The following SLC25A44 variants were observed in gnomAD, a reference collection of about 807,000 sequenced individuals.
SLC25A44 encodes solute carrier family 25 member 44.
A neutral mutation model predicts 29.9 loss-of-function variants in SLC25A44; 17 were observed. The ratio of observed to expected loss-of-function variants is 0.57; its 90% confidence interval spans 0.39 to 0.85. The LOEUF is 0.85. Among genes scored for constraint, SLC25A44 ranks in the 40% least tolerant of loss-of-function variants. SLC25A44 has a pLI of 0.00. For missense variants in SLC25A44, 302 were observed against 398.4 expected (o/e 0.76, Z 2.06); for synonymous variants, 140 against 151.8 (o/e 0.92, Z 0.57).
At chr1:156,203,074 A>T (rs1031958523) in intron 2 of SLC25A44, among the ~76,000 whole-genome samples, 1 of 152,100 alleles carries the variant, frequency 6.6e-6, no homozygotes, top group Admixed American at 6.5e-5. Flanking sequence ...TGGTCTATAC[A>T]TCTCTATTGC....
intron 2 of SLC25A44, among the ~76,000 whole-genome samples, chr1:156,204,753 T>C (rs1247084312): frequency 6.6e-6 from 1 of 151,964 alleles, no homozygotes; most frequent in African/African-American, 2.4e-5. Context: ...CTTCGAAAAG[T>C]GTGAGCCACC....
At position 156,198,210 on chromosome 1, in the gene SLC25A44, C is replaced by A. The variant is rs1163385812; in HGVS notation, c.-13-1625C>A. The A allele has an allele frequency of 1.3e-5, 2 of 152,198 alleles. No individual in the cohort carries two copies. The highest frequency in any genetic ancestry group is 2.4e-5 in the African/African-American group (1 of 41,432). 9.4% of individuals were successfully genotyped at this position (152,198 alleles called of 1,614,324 possible). ...GAATTTATCTTCCCAGTCTCCCTTT[C>A]TGGCTGAAAATTTCTAGTATCTTAC... On this transcript the variant is annotated intron_variant, in intron 1 of 3. Transcript: ENST00000359511. The surrounding 1 kb of genome is among the most constrained non-coding windows in gnomAD (Gnocchi z 4.1).
chr1:156,200,267 A>G lies in SLC25A44; in HGVS notation c.420A>G (p.Gln140=). 1 of 1,614,190 alleles carries G rather than the reference A, an allele frequency of 6.2e-7. No homozygotes were observed. The part of the protein sequence containing the change: ...IDVVSQHLMM[Q]RKGEKMGRFQ... ...TAGTCTCCCAGCACCTGATGATGCAACGCAAGGGTGAGAAAATGGGCCGCT... is the reference window on the plus strand; with the variant it reads ...TAGTCTCCCAGCACCTGATGATGCAGCGCAAGGGTGAGAAAATGGGCCGCT... The change falls in exon 2 of 4, where the codon CAA becomes CAG. Residue 140 remains glutamine, a synonymous_variant. Coordinates refer to ENST00000359511, the MANE Select transcript of SLC25A44 (RefSeq NM_014655.4).
Position 156,200,080 on chromosome 1 carries a change from T to C in SLC25A44, c.233T>C (p.Leu78Pro), listed in dbSNP as rs758942913. Residue 78 changes from leucine to proline, a missense_variant, in exon 2 of 4, where the codon CTG becomes CCG. Coordinates refer to ENST00000359511, the MANE Select transcript of SLC25A44 (RefSeq NM_014655.4). ...ATCACTGGCCTCTACCGAGGGTTCC[T>C]GGTCAATACCTTCACCCTCATCTCT... ...DGITGLYRGF[L>P]VNTFTLISGQ... The C allele has an allele frequency of 5.6e-6, 9 of 1,614,090 alleles. No homozygotes were observed. In the Admixed American group the frequency reaches 1.5e-4, roughly 27 times the overall value.
At chr1:156,209,181 G>T (rs976162580) in intron 3 of SLC25A44, among the ~76,000 whole-genome samples, 27 of 152,204 alleles carry the variant, frequency 1.8e-4, no homozygotes, top group African/African-American at 6.5e-4. Context: ...ATAATAAAGT[G>T]CACAGGGTCA....
chr1:156,204,349 A>G (rs765663756), intron 2 of SLC25A44, among the ~76,000 whole-genome samples: 5 of 151,986 alleles, frequency 3.3e-5, no homozygotes, highest in Admixed American at 2.0e-4. Flanking sequence ...TGTGTGTTTC[A>G]TCTTCTCCCC....
At position 156,210,235 on chromosome 1, in the gene SLC25A44, T is replaced by C. The variant is rs1208625500; in HGVS notation, c.754-5T>C. The stretch of plus-strand genomic sequence containing the variant: ...AATGGCCCTCCACTGTGTTGACTTT[T>C]CCAGGTTGAGGGCAAGAACTCCATC... On this transcript the variant is annotated splice_polypyrimidine_tract_variant and splice_region_variant and intron_variant, in intron 3 of 3. Coordinates refer to ENST00000359511, the MANE Select transcript of SLC25A44 (RefSeq NM_014655.4). 2 of 1,542,968 alleles carry C rather than the reference T, an allele frequency of 1.3e-6. No individual in the cohort carries two copies. The highest frequency in any genetic ancestry group is 2.5e-5 in the South Asian group (2 of 80,278).
chr1:156,204,485 T>C (rs1558180159), intron 2 of SLC25A44, among the ~76,000 whole-genome samples: 1 of 151,888 alleles, frequency 6.6e-6, no homozygotes, highest in Non-Finnish European at 1.5e-5. Context: ...CATGCTACAG[T>C]TGGTTTTTTT....
intron 3 of SLC25A44, among the ~76,000 whole-genome samples, chr1:156,208,919 T>C (rs1339452688): frequency 6.6e-6 from 1 of 152,146 alleles, no homozygotes; most frequent in Non-Finnish European, 1.5e-5. Flanking sequence ...ATGCAAATAG[T>C]AGGTGTTGCC....
chr1:156,207,628 T>C (rs1356517113), intron 2 of SLC25A44, among the ~76,000 whole-genome samples: 1 of 151,992 alleles, frequency 6.6e-6, no homozygotes, highest in Non-Finnish European at 1.5e-5. Context: ...CCAACCTGTG[T>C]GACACAGAGA....
chr1:156,196,183 AAG>A (rs1656199361), intron 1 of SLC25A44: 1 of 152,268 alleles, frequency 6.6e-6, no homozygotes, highest in African/African-American at 2.4e-5. Flanking sequence ...GGTATCTGCA[AAG>A]AGGATTTTTT....
At chr1:156,196,494 C>G (rs1656220756) in intron 1 of SLC25A44, 3 of 152,196 alleles carry the variant, frequency 2.0e-5, no homozygotes, top group African/African-American at 7.2e-5. Context: ...GATTTCTCAT[C>G]AGGAGATGCT....
rs1657303664 is a variant in SLC25A44, at chr1:156,211,288, CGTG to C, written c.*862_*864del. On this transcript the variant is annotated 3_prime_UTR_variant, in exon 4 of 4. Coordinates refer to ENST00000359511, the MANE Select transcript of SLC25A44 (RefSeq NM_014655.4). The stretch of plus-strand genomic sequence containing the variant: ...GGCATCCCCTGGCCCAGAGGACTCC[CGTG>C]GTGGGCACAGTTCTAAGTGGATCAG... 1 of 152,774 alleles carries C rather than the reference CGTG, an allele frequency of 6.5e-6. No individual in the cohort carries two copies. The highest frequency in any genetic ancestry group is 1.5e-5 in the Non-Finnish European group (1 of 68,104). 9.5% of individuals were successfully genotyped at this position (152,774 alleles called of 1,614,324 possible).
intron 2 of SLC25A44, among the ~76,000 whole-genome samples, chr1:156,207,064 C>T (rs1480330690): frequency 6.6e-6 from 1 of 152,114 alleles, no homozygotes; most frequent in Non-Finnish European, 1.5e-5. Flanking sequence ...TTGGCCAGGT[C>T]CAGTGGCTCC....
Position 156,210,551 on chromosome 1 carries a change from T to C in SLC25A44, c.*120T>C, listed in dbSNP as rs897878666. ...ACACCCAGCCCTGCCCTGGGCCAAGTGGCCTATCTGGGATAGGGATAGAGA... is the reference window on the plus strand; with the variant it reads ...ACACCCAGCCCTGCCCTGGGCCAAGCGGCCTATCTGGGATAGGGATAGAGA... On this transcript the variant is annotated 3_prime_UTR_variant, in exon 4 of 4. Coordinates refer to ENST00000359511, the MANE Select transcript of SLC25A44 (RefSeq NM_014655.4). The C allele has an allele frequency of 1.6e-6, 1 of 637,440 alleles. No homozygotes were observed. Among genetic ancestry groups the C allele is most frequent in the Non-Finnish European group, 2.6e-6 (1 of 390,774 alleles). 39.5% of individuals were successfully genotyped at this position (637,440 alleles called of 1,614,324 possible).
intron 2 of SLC25A44, among the ~76,000 whole-genome samples, chr1:156,201,608 T>TTTC (rs1466696288): frequency 6.6e-6 from 1 of 152,164 alleles, no homozygotes; most frequent in Non-Finnish European, 1.5e-5. Context: ...TTCTTTCTGC[T>TTTC]TTCTTCTTCT....
chr1:156,204,711 CT>C (rs1217690326), intron 2 of SLC25A44, among the ~76,000 whole-genome samples: 2 of 152,116 alleles, frequency 1.3e-5, no homozygotes. Flanking sequence ...TGGTCTTGAA[CT>C]CCTGACCTCA....
chr1:156,195,754 G>A (rs1317239348), intron 1 of SLC25A44, among the ~76,000 whole-genome samples: 4 of 152,204 alleles, frequency 2.6e-5, no homozygotes, highest in African/African-American at 9.7e-5. Flanking sequence ...GATTGCTGGT[G>A]TTCTTTCCGT....
chr1:156,199,977 C>CGGTTG lies in SLC25A44; in HGVS notation c.131_135dup (p.Gln46GlyfsTer58). The CGGTTG allele has an allele frequency of 6.2e-7, 1 of 1,614,180 alleles. No individual in the cohort carries two copies. On this transcript the variant is annotated frameshift_variant, in exon 2 of 4. Transcript: ENST00000359511. LOFTEE classifies it high-confidence loss of function. Reference sequence around the variant, plus strand: ...CTACCCATTCACCCTCATCCGCACCCGGTTGCAAGTTCAGAAGGGGAAGAG... The same window carrying CGGTTG: ...CTACCCATTCACCCTCATCCGCACCCGGTTGGGTTGCAAGTTCAGAAGGGGAAGAG...
Sources: gnomAD v4.1 joint callset for allele counts (sites outside exome capture counted in the v4.1 genomes callset) on GRCh38, gnomAD v4.1.1 for gene constraint, Gnocchi (gnomAD v3.1) non-coding constraint, MANE v1.5 for transcripts, NCBI Gene and HGNC (gene_info 2026-07-23, HGNC 2026-07-21) for gene names.